BCHE: variants seen among roughly 807,000 people sequenced by gnomAD.
BCHE encodes the protein cholinesterase.
A neutral mutation model predicts 51.3 loss-of-function variants in BCHE; 48 were observed. The ratio of observed to expected loss-of-function variants is 0.94; its 90% CI spans 0.74 to 1.19. The LOEUF is 1.19. BCHE is among the 50% of genes most tolerant of loss of function. The probability of loss-of-function intolerance (pLI) is 0.00; values close to 1 mark genes in which losing one functional copy is unlikely to be tolerated. For missense variants in BCHE, 847 were observed against 708.2 expected (o/e 1.20, Z -2.23); for synonymous variants, 251 against 238.0 (o/e 1.05, Z -0.50).
intron 2 of BCHE, among the ~76,000 whole-genome samples, chr3:165,799,914 A>T (rs1467423794): frequency 6.6e-6 from 1 of 151,994 alleles, no homozygotes; most frequent in African/African-American, 2.4e-5. Context: ...TTTTTTCCCA[A>T]TTATTTTACT....
chr3:165,773,443 A>G lies in BCHE; in HGVS notation c.1748T>C (p.Met583Thr), dbSNP rs1250519884. 3 of 1,609,812 alleles carry G rather than the reference A, an allele frequency of 1.9e-6. No individual in the cohort carries two copies. The highest frequency in any genetic ancestry group is 2.5e-6 in the Non-Finnish European group (3 of 1,176,526). The change falls in exon 4 of 4, where the codon ATG becomes ACG. Residue 583 changes from methionine to threonine, a missense_variant. Transcript: ENST00000264381. ...AGFHRWNNYM[M>T]DWKNQFNDYT... ...ATCGTTAAATTGATTTTTCCAGTCC[A>G]TCATGTAATTGTTCCAGCGATGGAA... is the stretch of plus-strand genomic sequence containing the variant.
intron 2 of BCHE, among the ~76,000 whole-genome samples, chr3:165,796,699 A>T (rs1290687155): frequency 6.6e-6 from 1 of 152,174 alleles, no homozygotes; most frequent in East Asian, 1.9e-4. Flanking sequence ...TAATCTTAAT[A>T]AGTATTTAAA....
At chr3:165,778,776 T>C (rs1461347808) in intron 3 of BCHE, 1 of 406,340 alleles carries the variant, frequency 2.5e-6, no homozygotes, top group Non-Finnish European at 5.2e-6. Context: ...AAAAAGACTT[T>C]TTAAAAGATA....
chr3:165,806,664 T>C (rs1306697984), intron 2 of BCHE, among the ~76,000 whole-genome samples: 1 of 152,136 alleles, frequency 6.6e-6, no homozygotes, highest in Non-Finnish European at 1.5e-5. Context: ...TCATTTACAT[T>C]CATAATGTTG....
At chr3:165,832,091 T>C (rs765619500) in intron 1 of BCHE, among the ~76,000 whole-genome samples, 1 of 152,278 alleles carries the variant, frequency 6.6e-6, no homozygotes, top group Non-Finnish European at 1.5e-5. Context: ...AAAATAATCT[T>C]TGTGACCTAC....
At chr3:165,815,121 A>T (rs1477505530) in intron 2 of BCHE, among the ~76,000 whole-genome samples, 1 of 151,086 alleles carries the variant, frequency 6.6e-6, no homozygotes, top group Admixed American at 6.6e-5. Flanking sequence ...CATTTAACTG[A>T]ATGTCCTGTA....
At chr3:165,785,064 A>G (rs781633926) in intron 3 of BCHE, among the ~76,000 whole-genome samples, 1 of 151,758 alleles carries the variant, frequency 6.6e-6, no homozygotes, top group Non-Finnish European at 1.5e-5. Context: ...TCCCAAGCAG[A>G]TGGAGTACAT....
chr3:165,822,955 A>G (rs1714583294), intron 2 of BCHE, among the ~76,000 whole-genome samples: 3 of 152,076 alleles, frequency 2.0e-5, no homozygotes. Flanking sequence ...TGGTAGACGT[A>G]TTATGTTGTA....
At chr3:165,788,864 C>A (rs1713062320) in intron 2 of BCHE, among the ~76,000 whole-genome samples, 1 of 152,062 alleles carries the variant, frequency 6.6e-6, no homozygotes, top group African/African-American at 2.4e-5. Flanking sequence ...CCTATAGATG[C>A]AGCTATTTCA....
chr3:165,805,167 A>C (rs1576853167), intron 2 of BCHE, among the ~76,000 whole-genome samples: 1 of 152,186 alleles, frequency 6.6e-6, no homozygotes. Flanking sequence ...AGAAGGAGGA[A>C]TAATGTTTTG....
rs546643700 is a variant in BCHE at position 165,792,990 on chromosome 3, T to C, written c.1518-6679A>G. ...TTCTGGAGGTTGTCCCTTTTCTCTGTTAATTGTTTCTTTTGCTGTGAAGAA... is the reference window on the plus strand; with the variant it reads ...TTCTGGAGGTTGTCCCTTTTCTCTGCTAATTGTTTCTTTTGCTGTGAAGAA... On this transcript the variant is annotated intron_variant, in intron 2 of 3. Transcript: ENST00000264381. 1.1e-4 allele frequency among the ~76,000 whole-genome samples: 17 copies of C among 152,296 alleles called. No homozygotes were observed. The South Asian group carries it at 1.2e-3, about 11-fold the overall frequency.
chr3:165,808,264 C>T (rs993953845), intron 2 of BCHE, among the ~76,000 whole-genome samples: 1 of 151,988 alleles, frequency 6.6e-6, no homozygotes, highest in East Asian at 1.9e-4. Context: ...GGATTACAGG[C>T]GCGATATTGC....
At chr3:165,831,084 A>G (rs1384589221) in intron 1 of BCHE, 43 bp from the exon 2 acceptor site, 1 of 1,461,778 alleles carries the variant, frequency 6.8e-7, no homozygotes, top group Admixed American at 1.8e-5. Context: ...CCTTCTGCAT[A>G]TAGCATATTA....
intron 3 of BCHE, among the ~76,000 whole-genome samples, chr3:165,779,001 G>A (rs896522182): frequency 1.3e-5 from 2 of 151,820 alleles, no homozygotes; most frequent in Non-Finnish European, 1.5e-5. Context: ...TAAACATTTT[G>A]CAAACCAGTC....
chr3:165,809,349 G>A (rs1026923803), intron 2 of BCHE, among the ~76,000 whole-genome samples: 7 of 152,040 alleles, frequency 4.6e-5, no homozygotes, highest in Non-Finnish European at 8.8e-5. Flanking sequence ...ACATGTATGA[G>A]AGTTTTCAGC....
chr3:165,787,979 C>T (rs1713019168), intron 2 of BCHE, among the ~76,000 whole-genome samples: 1 of 151,894 alleles, frequency 6.6e-6, no homozygotes, highest in Admixed American at 6.6e-5. Flanking sequence ...CTTATTCTAC[C>T]TTATGCTAAA....
At chr3:165,831,327 G>T (rs1245266985) in intron 1 of BCHE, among the ~76,000 whole-genome samples, 1 of 152,060 alleles carries the variant, frequency 6.6e-6, no homozygotes, top group Non-Finnish European at 1.5e-5. Context: ...TAGAATGTTT[G>T]TCCTAGCCAA....
In BCHE at chr3:165,786,326, A is replaced by G. The variant is rs751679390; in HGVS notation, c.1518-15T>C. 50 of 1,598,226 alleles carry G rather than the reference A, an allele frequency of 3.1e-5. No homozygotes were observed. Among genetic ancestry groups the G allele is most frequent in the Non-Finnish European group, 4.3e-5 (50 of 1,168,156 alleles). Reference sequence around the variant, plus strand: ...CATTTGGATTCCTAAATAATAAAATAGAGACATTATAGTAAAATTGAAATC... The same window carrying G: ...CATTTGGATTCCTAAATAATAAAATGGAGACATTATAGTAAAATTGAAATC... On this transcript the variant is annotated splice_polypyrimidine_tract_variant and intron_variant, in intron 2 of 3. Transcript: ENST00000264381.
chr3:165,800,927 T>A (rs1713614177), intron 2 of BCHE, among the ~76,000 whole-genome samples: 1 of 152,164 alleles, frequency 6.6e-6, no homozygotes, highest in African/African-American at 2.4e-5. Flanking sequence ...AGTAATATCA[T>A]CTATGAAGAA....
Sources: allele counts gnomAD v4.1 joint callset (sites outside exome capture counted in the v4.1 genomes callset), GRCh38; gene constraint gnomAD v4.1.1; transcripts MANE v1.5; gene names NCBI Gene and HGNC (gene_info 2026-07-23, HGNC 2026-07-21).